NF2: variants seen among roughly 807,000 people sequenced by gnomAD.
NF2 encodes merlin.
Under a neutral mutation model 83.7 loss-of-function variants are expected in NF2, and 8 were observed. The observed-to-expected ratio is 0.10, with a 90% CI of 0.06 to 0.17. The LOEUF is 0.17. NF2 is among the 10% of genes least tolerant of loss of function. The pLI is 1.00. For synonymous variants in NF2, 266 were observed against 269.6 expected (o/e 0.99, Z 0.13); for missense variants, 533 against 744.4 (o/e 0.72, Z 3.31).
chr22:29,672,356 G>C (rs372061632), intron 11 of NF2, among the ~76,000 whole-genome samples: 235 of 142,670 alleles, frequency 1.6e-3, no homozygotes, highest in African/African-American at 5.9e-3. Context: ...CTGTTGCCTA[G>C]GCTGGAGTGT....
At chr22:29,660,350 A>C (rs2147001366) in intron 7 of NF2, among the ~76,000 whole-genome samples, 1 of 152,324 alleles carries the variant, frequency 6.6e-6, no homozygotes, top group South Asian at 2.1e-4. Context: ...CAATTATTAA[A>C]AATTTCAAAC....
In NF2 at chr22:29,643,151, T is replaced by A. The variant is rs553013805; in HGVS notation, c.447+866T>A. Among the ~76,000 whole-genome samples the A allele has an allele frequency of 2.0e-5, 3 of 152,248 alleles. No homozygotes were observed. In the South Asian group the frequency reaches 6.2e-4, roughly 32 times the overall value. The stretch of plus-strand genomic sequence containing the variant: ...GTGATTTTATTTTATTTATGTTTTA[T>A]TTGTATTTTTATAGAGATGGGGTCT... On this transcript the variant is annotated intron_variant, in intron 4 of 15. Coordinates refer to ENST00000338641, the MANE Select transcript of NF2 (RefSeq NM_000268.4).
At chr22:29,652,103 C>G (rs1180039820) in intron 4 of NF2, among the ~76,000 whole-genome samples, 2 of 152,102 alleles carry the variant, frequency 1.3e-5, no homozygotes, top group Non-Finnish European at 1.5e-5. Flanking sequence ...ATGACCCTCA[C>G]TCTACAGATG....
chr22:29,657,761 A>G (rs905876611), intron 6 of NF2, among the ~76,000 whole-genome samples: 1 of 152,228 alleles, frequency 6.6e-6, no homozygotes, highest in Non-Finnish European at 1.5e-5. Context: ...GCTTGCAGAG[A>G]GAGCTGTTTC....
At position 29,646,001 on chromosome 22, in the gene NF2, C is replaced by T. The variant is rs540533527; in HGVS notation, c.447+3716C>T. On this transcript the variant is annotated intron_variant, in intron 4 of 15. Coordinates refer to ENST00000338641, the MANE Select transcript of NF2 (RefSeq NM_000268.4). Reference sequence around the variant, plus strand: ...ACTAAGGCTTACTATGACATACTTCCAGTTTCTAGGACTGCTGGTTAATAG... The same window carrying T: ...ACTAAGGCTTACTATGACATACTTCTAGTTTCTAGGACTGCTGGTTAATAG... Among the ~76,000 whole-genome samples, 218 of 152,208 alleles carry T rather than the reference C, an allele frequency of 1.4e-3. 1 individual carries two copies. Among genetic ancestry groups the T allele is most frequent in the African/African-American group, 5.1e-3 (213 of 41,534 alleles).
chr22:29,619,122 A>G (rs1245978102), intron 1 of NF2, among the ~76,000 whole-genome samples: 2 of 151,616 alleles, frequency 1.3e-5, no homozygotes, highest in African/African-American at 2.4e-5. Context: ...TCAGCTCACC[A>G]AAACCTCTGC....
intron 15 of NF2, chr22:29,683,639 G>A (rs1450274171): frequency 2.8e-6 from 3 of 1,088,182 alleles, no homozygotes; most frequent in Non-Finnish European, 3.4e-6. Context: ...CACAGGGTCT[G>A]ATATGTGAGT....
At position 29,696,066 on chromosome 22, in the gene NF2, CTTTTTTTTTTT is replaced by C. The variant is rs886057354; in HGVS notation, c.*1277_*1287del. On this transcript the variant is annotated 3_prime_UTR_variant, in exon 16 of 16. Coordinates refer to ENST00000338641, the MANE Select transcript of NF2 (RefSeq NM_000268.4). ...GTCTGGGGCCACCTTCTTGCCCTTTCTTTTTTTTTTTTTTTTTTTTTTTCCGAGATGGAGTC... is the reference window on the plus strand; with the variant it reads ...GTCTGGGGCCACCTTCTTGCCCTTTCTTTTTTTTTTTTCCGAGATGGAGTC... The C allele has an allele frequency of 4.5e-5, 7 of 155,974 alleles. No homozygotes were observed. Among genetic ancestry groups the C allele is most frequent in the East Asian group, 8.5e-5 (1 of 11,790 alleles). The allele number at this position is 155,974 out of a possible 1,614,324, so 9.7% of individuals were successfully genotyped here.
At chr22:29,653,863 T>C (rs1450625743) in intron 4 of NF2, among the ~76,000 whole-genome samples, 4 of 152,254 alleles carry the variant, frequency 2.6e-5, no homozygotes, top group African/African-American at 9.6e-5. Flanking sequence ...GAAGAGCCAC[T>C]GTACGCTGAT....
At position 29,674,771 on chromosome 22, in the gene NF2, G is replaced by A; in HGVS notation, c.1341-65G>A. The A allele has an allele frequency of 2.1e-6, 3 of 1,411,200 alleles. No homozygotes were observed. In the South Asian group the frequency reaches 3.7e-5, roughly 17 times the overall value. The allele number at this position is 1,411,200 out of a possible 1,614,324, so 87.4% of individuals were successfully genotyped here. ...CCCAGGTCCCTCCTCTGCAGGGGTG[G>A]GGTGGTGTCTTTTCCTGCTACCTGC... On this transcript the variant is annotated intron_variant, in intron 12 of 15. Transcript: ENST00000338641.
intron 1 of NF2, among the ~76,000 whole-genome samples, chr22:29,608,601 G>A (rs183758102): frequency 6.6e-6 from 1 of 151,432 alleles, no homozygotes; most frequent in Non-Finnish European, 1.5e-5. Context: ...CCCGGGAGGC[G>A]GAGGTTGTAG....
intron 15 of NF2, among the ~76,000 whole-genome samples, chr22:29,689,066 C>T (rs2067337356): frequency 6.6e-6 from 1 of 151,460 alleles, no homozygotes; most frequent in South Asian, 2.1e-4. Flanking sequence ...GTAGTTCCAG[C>T]TACTCAGGAG....
intron 1 of NF2, among the ~76,000 whole-genome samples, chr22:29,624,921 CTT>C (rs1491554261): frequency 1.8e-4 from 26 of 141,018 alleles, no homozygotes; most frequent in South Asian, 8.8e-4. Context: ...CTCTCTCTCT[CTT>C]TCTTTCTTTC....
rs1223799516 is a variant in NF2, at chr22:29,681,488, C to T, written c.1624C>T (p.Leu542Phe). 1 of 1,614,162 alleles carries T rather than the reference C, an allele frequency of 6.2e-7. No individual in the cohort carries two copies. The highest frequency in any genetic ancestry group is 8.5e-7 in the Non-Finnish European group (1 of 1,180,030). Residue 542 changes from leucine to phenylalanine, a missense_variant, in exon 15 of 16, where the codon CTC becomes TTC. By Grantham distance (22) the Leu-to-Phe change is conservative. This residue lies in a region of NF2 where 199 missense variants were observed against 240.7 expected (regional missense o/e 0.83). Transcript: ENST00000338641. ...SKHLQEQLNE[L>F]KTEIEALKLK... ...GCATCTGCAGGAGCAGCTCAATGAA[C>T]TCAAGACAGAAATCGAGGCCTTGAA...
intron 6 of NF2, among the ~76,000 whole-genome samples, chr22:29,656,820 C>T (rs1202951651): frequency 1.3e-5 from 2 of 151,862 alleles, no homozygotes; most frequent in Admixed American, 6.6e-5. Flanking sequence ...TTTATACATG[C>T]CTGTCGACAA....
intron 1 of NF2, among the ~76,000 whole-genome samples, chr22:29,608,100 G>A (rs2064847507): frequency 7.1e-6 from 1 of 140,332 alleles, no homozygotes; most frequent in Non-Finnish European, 1.5e-5. Context: ...TTGAACCTGG[G>A]AGGCGGAGGT....
At chr22:29,613,328 G>A (rs11704842) in intron 1 of NF2, among the ~76,000 whole-genome samples, 5 of 151,750 alleles carry the variant, frequency 3.3e-5, no homozygotes, top group Non-Finnish European at 4.4e-5. Flanking sequence ...ACAGGAGTTC[G>A]AGACCAGCCT....
At chr22:29,657,024 T>A (rs1003600239) in intron 6 of NF2, among the ~76,000 whole-genome samples, 4 of 152,144 alleles carry the variant, frequency 2.6e-5, no homozygotes, top group African/African-American at 9.7e-5. Context: ...TAACACTTTT[T>A]TTTTTAAACT....
chr22:29,624,855 TTCTTTCTTTCTTTCTC>T (rs2065315513), intron 1 of NF2, among the ~76,000 whole-genome samples: 1 of 139,586 alleles, frequency 7.2e-6, no homozygotes, highest in Non-Finnish European at 1.6e-5. Context: ...CTTTCTTTCT[TTCTTTCTTTCTTTCTC>T]TTTCTCTCCT....
Sources: allele counts gnomAD v4.1 joint callset (sites outside exome capture counted in the v4.1 genomes callset), GRCh38; gene constraint gnomAD v4.1.1; regional missense constraint gnomAD v4.1.1; transcripts MANE v1.5; gene names NCBI Gene and HGNC (gene_info 2026-07-23, HGNC 2026-07-21).